Variants in NCKAP5 observed in about 807,000 individuals in gnomAD.
NCKAP5 encodes the protein nck-associated protein 5.
Under a neutral mutation model 167.0 loss-of-function variants are expected in NCKAP5, and 92 were observed. The ratio of observed to expected loss-of-function variants is 0.55; its 90% CI spans 0.47 to 0.66. The LOEUF is 0.66. NCKAP5 is among the 30% of genes least tolerant of loss of function. The pLI is 0.00. For synonymous variants in NCKAP5, 891 were observed against 877.4 expected, an observed-to-expected ratio of 1.02 and a Z score of -0.27; for missense variants, 2,378 against 2,315.0, an observed-to-expected ratio of 1.03 and a Z score of -0.56.
chr2:133,245,895 G>GA (rs2087958480), intron 4 of NCKAP5, among the ~76,000 whole-genome samples: 4 of 112,604 alleles, frequency 3.6e-5, no homozygotes, highest in South Asian at 3.0e-4. Context: ...GATTTGATCA[G>GA]GAAAAAAAAA....
intron 5 of NCKAP5, among the ~76,000 whole-genome samples, chr2:133,141,973 T>C (rs1427975467): frequency 7.2e-5 from 11 of 152,204 alleles, no homozygotes; most frequent in Non-Finnish European, 1.3e-4. Flanking sequence ...GGTTCAATGC[T>C]TTAGTATTTT....
At chr2:133,536,678 C>A (rs1053786655) in intron 2 of NCKAP5, among the ~76,000 whole-genome samples, 5 of 151,800 alleles carry the variant, frequency 3.3e-5, no homozygotes, top group African/African-American at 1.2e-4. Context: ...TTATTGAGTT[C>A]TAAGAGTTTT....
intron 4 of NCKAP5, among the ~76,000 whole-genome samples, chr2:133,223,519 C>T (rs1324123033): frequency 6.6e-6 from 1 of 152,132 alleles, no homozygotes; most frequent in Non-Finnish European, 1.5e-5. Flanking sequence ...AGTTAATTAG[C>T]CTTTCCATGG....
intron 11 of NCKAP5, among the ~76,000 whole-genome samples, chr2:132,837,178 C>A (rs1412971786): frequency 2.6e-5 from 4 of 152,162 alleles, no homozygotes; most frequent in African/African-American, 9.7e-5. Flanking sequence ...GCTGTCCCCA[C>A]CCTTGGGTAG....
chr2:133,413,928 G>A (rs1315413741), intron 3 of NCKAP5, among the ~76,000 whole-genome samples: 1 of 152,180 alleles, frequency 6.6e-6, no homozygotes, highest in African/African-American at 2.4e-5. Flanking sequence ...GGCCGTCCAA[G>A]AGGTCATCTG....
intron 11 of NCKAP5, among the ~76,000 whole-genome samples, chr2:132,827,873 A>C (rs949837484): frequency 6.6e-6 from 1 of 152,262 alleles, no homozygotes; most frequent in South Asian, 2.1e-4. Flanking sequence ...TGGAGCTGCC[A>C]CTTGGGTTTT....
At chr2:133,062,980 C>G (rs1265665378) in intron 6 of NCKAP5, among the ~76,000 whole-genome samples, 3 of 152,134 alleles carry the variant, frequency 2.0e-5, no homozygotes, top group Non-Finnish European at 4.4e-5. Flanking sequence ...TGTAATTGGC[C>G]CAATCCTGGC....
intron 4 of NCKAP5, among the ~76,000 whole-genome samples, chr2:133,283,666 A>G (rs989481909): frequency 2.6e-5 from 4 of 151,308 alleles, no homozygotes; most frequent in African/African-American, 9.7e-5. Context: ...GCTGGAGTGC[A>G]ATGGCAGGAT....
chr2:133,566,451 C>T (rs938690652), intron 1 of NCKAP5, among the ~76,000 whole-genome samples: 1 of 152,176 alleles, frequency 6.6e-6, no homozygotes, highest in Non-Finnish European at 1.5e-5. Context: ...ACAGAGTTCT[C>T]TTTGGTTTGC....
At chr2:133,268,716 C>T (rs1273082255) in intron 4 of NCKAP5, among the ~76,000 whole-genome samples, 2 of 151,934 alleles carry the variant, frequency 1.3e-5, no homozygotes, top group Admixed American at 6.5e-5. Context: ...GTGATCCGCC[C>T]GCCGCGGCCT....
At chr2:132,735,234 A>G (rs1185005679) in intron 16 of NCKAP5, among the ~76,000 whole-genome samples, 3 of 152,096 alleles carry the variant, frequency 2.0e-5, no homozygotes, top group African/African-American at 7.2e-5. Context: ...TCCCTGCTAC[A>G]TCTCATGTTG....
At chr2:132,811,857 C>T (rs1260817472) in intron 11 of NCKAP5, among the ~76,000 whole-genome samples, 2 of 152,118 alleles carry the variant, frequency 1.3e-5, no homozygotes, top group Admixed American at 6.5e-5. Flanking sequence ...GAGTTTTACC[C>T]CCCGCTCCTC....
At position 133,109,991 on chromosome 2, in the gene NCKAP5, C is replaced by T. The variant is rs183931577; in HGVS notation, c.341+19987G>A. On this transcript the variant is annotated intron_variant, in intron 6 of 19. Coordinates refer to ENST00000409261, the MANE Select transcript of NCKAP5 (RefSeq NM_207363.3). ...TTTCCTTGGACTTGATACAAGAAGG[C>T]TTCAGAGAAAAAGAAGAAATGCAAT... Among the ~76,000 whole-genome samples the T allele has an allele frequency of 4.7e-3, 708 of 152,238 alleles. 4 individuals are homozygous for T. Among genetic ancestry groups the T allele is most frequent in the Admixed American group, 7.6e-3 (116 of 15,286 alleles).
chr2:133,614,015 C>T, the NCKAP5 span, among the ~76,000 whole-genome samples: 6 of 152,122 alleles, frequency 3.9e-5, no homozygotes, highest in Non-Finnish European at 5.9e-5. Context: ...GCTTGCAGCC[C>T]CTGCTCGGAT....
chr2:133,553,897 G>A (rs1158023477), intron 2 of NCKAP5, among the ~76,000 whole-genome samples: 1 of 152,158 alleles, frequency 6.6e-6, no homozygotes, highest in Non-Finnish European at 1.5e-5. Flanking sequence ...ATCTCACAGT[G>A]TCTATGAACC....
intron 16 of NCKAP5, among the ~76,000 whole-genome samples, chr2:132,773,030 T>C (rs1682222790): frequency 6.6e-6 from 1 of 152,328 alleles, no homozygotes; most frequent in Middle Eastern, 3.4e-3. Flanking sequence ...TACACCCAAA[T>C]GTGACTTGCG....
At chr2:133,351,427 AG>A (rs1437764114) in intron 3 of NCKAP5, among the ~76,000 whole-genome samples, 1 of 152,090 alleles carries the variant, frequency 6.6e-6, no homozygotes, top group Non-Finnish European at 1.5e-5. Flanking sequence ...TAGTGGTAGG[AG>A]TAATGGTAAT....
chr2:133,568,339 A>G lies in NCKAP5; in HGVS notation c.-253T>C, dbSNP rs181611518. The G allele has an allele frequency of 5.3e-5, 8 of 152,334 alleles. No homozygotes were observed. The highest frequency in any genetic ancestry group is 1.7e-4 in the African/African-American group (7 of 41,574). The allele number at this position is 152,334 out of a possible 1,614,324, so 9.4% of individuals were successfully genotyped here. A position where few individuals can be genotyped will look rare whatever the true frequency, so the allele number is the denominator to read the frequency against. The stretch of plus-strand genomic sequence containing the variant: ...TCCTCTGTTTATTTTTGAAGCATTC[A>G]AAGGCCACGCTAACAGAACAGACTC... On this transcript the variant is annotated 5_prime_UTR_variant, in exon 1 of 20. Transcript: ENST00000409261.
intron 16 of NCKAP5, among the ~76,000 whole-genome samples, chr2:132,769,884 C>T (rs1352321191): frequency 6.6e-6 from 1 of 152,144 alleles, no homozygotes; most frequent in Admixed American, 6.5e-5. Context: ...CAACCAGAGG[C>T]CACAAGCATG....
Sources: allele counts gnomAD v4.1 joint callset (sites outside exome capture counted in the v4.1 genomes callset), GRCh38; gene constraint gnomAD v4.1.1; transcripts MANE v1.5; gene names NCBI Gene and HGNC (gene_info 2026-07-23, HGNC 2026-07-21).